ABCC6: variants seen among roughly 807,000 people sequenced by gnomAD.
ABCC6 encodes the protein ATP binding cassette subfamily C member 6, also known as ATP-binding cassette sub-family C member 6.
Under a neutral mutation model 169.5 loss-of-function variants are expected in ABCC6, and 126 were observed. The ratio of observed to expected loss-of-function variants is 0.74; its 90% confidence interval spans 0.64 to 0.86. ABCC6 has a LOEUF of 0.86. Among genes scored for constraint, ABCC6 ranks in the 40% least tolerant of loss-of-function variants. The pLI is 0.00. For missense variants in ABCC6, 1,733 were observed against 1,927.2 expected (o/e 0.90, Z 1.89); for synonymous variants, 752 against 814.7 (o/e 0.92, Z 1.31).
At chr16:16,155,404 C>G in intron 27 of ABCC6, 1 of 304,718 alleles carries the variant, frequency 3.3e-6, no homozygotes. Context: ...TTTTTCCACC[C>G]CATCCTGCCA....
chr16:16,169,961 AC>A, intron 21 of ABCC6, 108 bp from the exon 22 acceptor site: 1 of 1,134,830 alleles, frequency 8.8e-7, no homozygotes, highest in Non-Finnish European at 1.3e-6. Context: ...GGCAGATGGG[AC>A]CACCACGCAG....
intron 26 of ABCC6, among the ~76,000 whole-genome samples, chr16:16,158,146 C>T (rs866496096): frequency 3.9e-5 from 6 of 152,048 alleles, no homozygotes; most frequent in Admixed American, 1.3e-4. Flanking sequence ...TTGCTGTTCC[C>T]GTGACCTTGA....
At chr16:16,204,763 G>A (rs1373827360) in intron 7 of ABCC6, among the ~76,000 whole-genome samples, 2 of 152,128 alleles carry the variant, frequency 1.3e-5, no homozygotes, top group Non-Finnish European at 2.9e-5. Context: ...GAGGATGGGT[G>A]TGGTCCCCTG....
intron 20 of ABCC6, 36 bp from the exon 21 acceptor site, chr16:16,173,440 C>T: frequency 6.2e-7 from 1 of 1,613,938 alleles, no homozygotes; most frequent in South Asian, 1.1e-5. Context: ...AAGTCAGTAT[C>T]TCTCCCAATG....
intron 14 of ABCC6, among the ~76,000 whole-genome samples, chr16:16,185,535 G>C (rs2047627605): frequency 6.6e-6 from 1 of 152,164 alleles, no homozygotes; most frequent in African/African-American, 2.4e-5. Context: ...TGTAATCCCA[G>C]CACTTTAGGA....
Position 16,154,918 on chromosome 16 carries a change from G to C in ABCC6, c.3996C>G (p.His1332Gln), listed in dbSNP as rs60320257. ...TGGAGCGCAGTGTGTGCAGCCCCAC[G>C]TGGGCAATGGGGACCCCGTCGATCC... ...GIWIDGVPIAHVGLHTLRSRI... is the reference protein window; with the variant it reads ...GIWIDGVPIAQVGLHTLRSRI... Residue 1332 changes from histidine (H) to glutamine (Q), a missense_variant, in exon 28 of 31, where the codon CAC (histidine) becomes CAG (glutamine). Around this residue, in one of 5 missense-constraint regions of ABCC6, gnomAD observed 1,601 missense variants for 1,635.5 expected, o/e 0.98. Coordinates refer to ENST00000205557, the MANE Select transcript of ABCC6 (RefSeq NM_001171.6). The C allele has an allele frequency of 1.4e-5, 23 of 1,608,750 alleles. No homozygotes were observed. The Admixed American group carries it at 3.9e-4, about 27-fold the overall frequency.
At chr16:16,154,036 G>C (rs779365516) in intron 29 of ABCC6, among the ~76,000 whole-genome samples, 5 of 151,454 alleles carry the variant, frequency 3.3e-5, no homozygotes, top group Non-Finnish European at 5.9e-5. Flanking sequence ...TGCAACCTTC[G>C]CCTCCCTGGC....
At chr16:16,217,346 T>C (rs1386356507) in intron 4 of ABCC6, among the ~76,000 whole-genome samples, 1 of 152,180 alleles carries the variant, frequency 6.6e-6, no homozygotes, top group Non-Finnish European at 1.5e-5. Context: ...CTCCCAAGCT[T>C]TGTGGCCCTG....
intron 9 of ABCC6, among the ~76,000 whole-genome samples, chr16:16,201,449 C>T (rs1167751942): frequency 1.3e-5 from 2 of 152,136 alleles, no homozygotes; most frequent in Non-Finnish European, 2.9e-5. Flanking sequence ...GCAAAGGCCC[C>T]AGGGTGGGTG....
At chr16:16,180,075 G>T (rs2047418888) in intron 17 of ABCC6, among the ~76,000 whole-genome samples, 1 of 152,170 alleles carries the variant, frequency 6.6e-6, no homozygotes, top group African/African-American at 2.4e-5. Flanking sequence ...TAGGGTTTGT[G>T]CTCCTATGAG....
chr16:16,172,768 C>T (rs2047157236), intron 21 of ABCC6, among the ~76,000 whole-genome samples: 1 of 152,118 alleles, frequency 6.6e-6, no homozygotes, highest in Non-Finnish European at 1.5e-5. Context: ...CTTGGCTGGG[C>T]ACAGTGGCTC....
intron 2 of ABCC6, 179 bp downstream of exon 2, chr16:16,221,470 G>A: frequency 6.9e-7 from 1 of 1,452,348 alleles, no homozygotes; most frequent in Non-Finnish European, 9.1e-7. Context: ...ATCTGTTTGG[G>A]AGAACCGTGT....
At chr16:16,176,234 C>T (rs538134331) in intron 19 of ABCC6, among the ~76,000 whole-genome samples, 2 of 152,290 alleles carry the variant, frequency 1.3e-5, no homozygotes, top group Middle Eastern at 3.4e-3. Context: ...GTTGGAAAAA[C>T]AGCATTTAAC....
intron 27 of ABCC6, chr16:16,155,348 A>T: frequency 2.3e-6 from 1 of 437,094 alleles, no homozygotes; most frequent in Non-Finnish European, 4.1e-6. Flanking sequence ...CCTTTTTTCT[A>T]CCCCATCCCA....
rs72653749 is a variant in ABCC6 at position 16,157,722 on chromosome 16, G to A, written c.3823C>T (p.Arg1275Ter). Residue 1275 changes from arginine to a stop codon, truncating the protein, a stop_gained, in exon 27 of 31, where the codon CGA becomes TGA. Transcript: ENST00000205557. LOFTEE classifies it high-confidence loss of function. Reference protein sequence around the residue: ...IEFRDFGLRYRPELPLAVQGV... With the variant: ...IEFRDFGLRY ...TGCACAGCCAGCGGGAGCTCAGGTC[G>A]GTATCTTAGCCCAAAGTCCCGGAAC... The A allele has an allele frequency of 1.9e-5, 30 of 1,613,970 alleles. No individual in the cohort carries two copies. Among genetic ancestry groups the A allele is most frequent in the Admixed American group, 3.3e-5 (2 of 60,010 alleles).
At chr16:16,223,176 A>G in intron 1 of ABCC6, 1 of 639,768 alleles carries the variant, frequency 1.6e-6, no homozygotes, top group Non-Finnish European at 2.8e-6. Flanking sequence ...CAAAGCCCCT[A>G]GTAGCTGGGA....
chr16:16,185,717 G>A (rs768263463), intron 14 of ABCC6, among the ~76,000 whole-genome samples: 4 of 152,138 alleles, frequency 2.6e-5, no homozygotes, highest in African/African-American at 7.2e-5. Flanking sequence ...CCCAGGAGGC[G>A]GAGGTTGCAG....
intron 29 of ABCC6, 97 bp from the exon 30 acceptor site, chr16:16,150,869 G>C: frequency 6.5e-7 from 1 of 1,544,370 alleles, no homozygotes; most frequent in Non-Finnish European, 8.8e-7. Flanking sequence ...CAGTGCAGGA[G>C]TGAGGTGCCT....
chr16:16,157,550 G>C lies in ABCC6; in HGVS notation c.3882+113C>G, dbSNP rs919083267. On this transcript the variant is annotated intron_variant, in intron 27 of 30. Coordinates refer to ENST00000205557, the MANE Select transcript of ABCC6 (RefSeq NM_001171.6). ...GGGGGTAATGGGTCTGAAAGCTAGG[G>C]GACCTGAGGTGGGGACACTGTGGAG... 3.6e-6 allele frequency: 5 copies of C among 1,381,098 alleles called. No individual in the cohort carries two copies. In the Admixed American group the frequency reaches 5.7e-5, roughly 16 times the overall value. The allele number at this position is 1,381,098 out of a possible 1,614,324, so 85.6% of individuals were successfully genotyped here.
Sources: gnomAD v4.1 joint callset for allele counts (sites outside exome capture counted in the v4.1 genomes callset) on GRCh38, gnomAD v4.1.1 for gene constraint, gnomAD v4.1.1 regional missense constraint, MANE v1.5 for transcripts, NCBI Gene and HGNC (gene_info 2026-07-23, HGNC 2026-07-21) for gene names.